Variants in ERBB2 observed in about 807,000 individuals in gnomAD.
ERBB2 encodes the protein erb-b2 receptor tyrosine kinase 2, also known as receptor tyrosine-protein kinase erbB-2.
In ERBB2, 61 loss-of-function variants were observed where a neutral mutation model predicts 149.0. That is an observed-to-expected ratio of 0.41 (90% confidence interval 0.33 to 0.51). ERBB2 has a LOEUF of 0.51. ERBB2 is among the 20% of genes least tolerant of loss of function. ERBB2 has a pLI of 0.25. For missense variants in ERBB2, 1,205 were observed against 1,655.1 expected, an observed-to-expected ratio of 0.73 and a Z score of 4.72; for synonymous variants, 633 against 678.8, an observed-to-expected ratio of 0.93 and a Z score of 1.05.
At chr17:39,715,663 G>A in intron 11 of ERBB2, 77 bp from the exon 12 acceptor site, 3 of 1,568,970 alleles carry the variant, frequency 1.9e-6, no homozygotes, top group Non-Finnish European at 2.6e-6. Context: ...AGAGTGTGCT[G>A]GGGATGGAGG....
chr17:39,716,655 AT>A, intron 14 of ERBB2, 50 bp downstream of exon 14: 1 of 1,524,776 alleles, frequency 6.6e-7, no homozygotes, highest in Non-Finnish European at 9.1e-7. Flanking sequence ...AGCGAGGGGG[AT>A]TGCCAGGGAC....
Position 39,706,997 on chromosome 17 carries a change from C to G in ERBB2, c.81C>G (p.Thr27=), listed in dbSNP as rs377542789. Residue 27 remains threonine (T), a synonymous_variant, in exon 2 of 27, where the codon ACC becomes ACG. Coordinates refer to ENST00000269571, the MANE Select transcript of ERBB2 (RefSeq NM_004448.4). ...PPGAASTQVC[T]GTDMKLRLPA... ...TCTGCTCTCTCCTGCCAGTGTGCAC[C>G]GGCACAGACATGAAGCTGCGGCTCC... 6.3e-7 allele frequency: 1 copy of G among 1,582,044 alleles called. No individual in the cohort carries two copies. Among genetic ancestry groups the G allele is most frequent in the Non-Finnish European group, 8.6e-7 (1 of 1,163,460 alleles).
chr17:39,709,263 G>T (rs2145466032), intron 3 of ERBB2, 55 bp from the exon 4 acceptor site: 2 of 1,604,886 alleles, frequency 1.2e-6, no homozygotes, highest in South Asian at 2.2e-5. Context: ...GGCCCCAAGG[G>T]AAGCAGAAGG....
At chr17:39,707,513 A>G (rs1597860635) in intron 2 of ERBB2, 2 of 190,606 alleles carry the variant, frequency 1.0e-5, no homozygotes, top group East Asian at 2.5e-4. Context: ...GCCACTGACG[A>G]GCCCTATGAA....
chr17:39,694,271 G>GTATATATATA (rs1393087883), upstream of ERBB2, among the ~76,000 whole-genome samples: 1 of 26,654 alleles, frequency 3.8e-5, no homozygotes, highest in African/African-American at 1.0e-4. Flanking sequence ...ATATATATGT[G>GTATATATATA]TGTATATATA....
chr17:39,689,914 A>G (rs1162649395), intron 2 of ERBB2, among the ~76,000 whole-genome samples: 1 of 151,780 alleles, frequency 6.6e-6, no homozygotes, highest in East Asian at 1.9e-4. Flanking sequence ...AAAAAAAAAA[A>G]AAAGAAAAAG....
Position 39,727,089 on chromosome 17 carries a change from C to T in ERBB2, c.3159+86C>T. 7.5e-7 allele frequency: 1 copy of T among 1,327,690 alleles called. No individual in the cohort carries two copies. Among genetic ancestry groups the T allele is most frequent in the Non-Finnish European group, 1.0e-6 (1 of 968,970 alleles). The allele number at this position is 1,327,690 out of a possible 1,614,324, so 82.2% of individuals were successfully genotyped here. A position where few individuals can be genotyped will look rare whatever the true frequency, so the allele number is the denominator to read the frequency against. Reference sequence around the variant, plus strand: ...AGGGTCCCTTTCTCTGATGTTCCCTCAACTGTCACCTCTCAAGGAAACCCC... The same window carrying T: ...AGGGTCCCTTTCTCTGATGTTCCCTTAACTGTCACCTCTCAAGGAAACCCC... On this transcript the variant is annotated intron_variant, in intron 25 of 26. Transcript: ENST00000269571. This position sits in a 1 kb window ranked among gnomAD's most constrained non-coding sequence, Gnocchi z 4.3.
chr17:39,728,506 G>A lies in ERBB2; in HGVS notation c.*462G>A. 4.2e-6 allele frequency: 1 copy of A among 240,326 alleles called. No homozygotes were observed. The highest frequency in any genetic ancestry group is 8.1e-6 in the Non-Finnish European group (1 of 123,268). 14.9% of individuals were successfully genotyped at this position (240,326 alleles called of 1,614,324 possible). On this transcript the variant is annotated 3_prime_UTR_variant, in exon 27 of 27. Coordinates refer to ENST00000269571, the MANE Select transcript of ERBB2 (RefSeq NM_004448.4). ...TGTCAGTATCCAGGCTTTGTACAGA[G>A]TGCTTTTCTGTTTAGTTTTTACTTT...
intron 7 of ERBB2, among the ~76,000 whole-genome samples, chr17:39,711,128 G>A (rs1310026981): frequency 6.6e-6 from 1 of 151,684 alleles, no homozygotes; most frequent in Non-Finnish European, 1.5e-5. Flanking sequence ...TCGAACTCCT[G>A]ACTTCAGGCG....
chr17:39,707,415 C>T, intron 2 of ERBB2: 2 of 346,894 alleles, frequency 5.8e-6, no homozygotes, highest in Non-Finnish European at 1.0e-5. Context: ...TGATCATGTC[C>T]CCTGTCCACC....
intron 2 of ERBB2, 112 bp downstream of exon 2, chr17:39,707,253 T>C (rs1422273399): frequency 2.1e-6 from 2 of 961,110 alleles, no homozygotes; most frequent in Non-Finnish European, 1.5e-6. Context: ...TCTCTTGTTG[T>C]GGTTTCTCAA....
chr17:39,700,326 G>C lies in ERBB2; in HGVS notation c.73+15G>C. The C allele has an allele frequency of 7.3e-7, 1 of 1,373,972 alleles. No homozygotes were observed. Among genetic ancestry groups the C allele is most frequent in the African/African-American group, 1.5e-5 (1 of 66,364 alleles). The allele number at this position is 1,373,972 out of a possible 1,614,324, so 85.1% of individuals were successfully genotyped here. ...GAGCACCCAAGGTGGGTCTGGTGTGGGGAGGGGACGGAGCAGCGGCGGGAC... is the reference window on the plus strand; with the variant it reads ...GAGCACCCAAGGTGGGTCTGGTGTGCGGAGGGGACGGAGCAGCGGCGGGAC... On this transcript the variant is annotated intron_variant, in intron 1 of 26. Coordinates refer to ENST00000269571, the MANE Select transcript of ERBB2 (RefSeq NM_004448.4).
chr17:39,712,545 A>C (rs2058871683), intron 9 of ERBB2, 97 bp downstream of exon 9: 1 of 1,428,728 alleles, frequency 7.0e-7, no homozygotes, highest in Admixed American at 2.0e-5. Context: ...AGGAGACAGA[A>C]GTGGGGGGAT....
chr17:39,701,540 G>A (rs1312452623), intron 1 of ERBB2, among the ~76,000 whole-genome samples: 1 of 152,182 alleles, frequency 6.6e-6, no homozygotes, highest in Non-Finnish European at 1.5e-5. Flanking sequence ...AGGTCAGAGG[G>A]TCTGGGGAGG....
At chr17:39,706,882 C>A in intron 1 of ERBB2, 108 bp from the exon 2 acceptor site, 3 of 1,161,554 alleles carry the variant, frequency 2.6e-6, no homozygotes, top group African/African-American at 1.6e-5. Flanking sequence ...TTCAGTCAGG[C>A]TTCTCCCTGT....
intron 1 of ERBB2, chr17:39,688,337 CT>C (rs1798160661): frequency 4.1e-6 from 1 of 242,472 alleles, no homozygotes; most frequent in African/African-American, 2.2e-5. Context: ...GTACCTGTAA[CT>C]ATCCACTTCT....
chr17:39,688,683 T>C (rs2057620689), intron 1 of ERBB2: 1 of 152,374 alleles, frequency 6.6e-6, no homozygotes, highest in African/African-American at 2.4e-5. Context: ...CTCACTCTTC[T>C]TTTTTCTTCT....
rs4252643 is a variant in ERBB2 at position 39,720,514 on chromosome 17, A to G, written c.1946+680A>G. Among the ~76,000 whole-genome samples the G allele has an allele frequency of 7.6e-3, 1,150 of 152,268 alleles. 9 individuals are homozygous for G. Among genetic ancestry groups the G allele is most frequent in the African/African-American group, 0.026 (1,079 of 41,544 alleles). ...AGACTGGAGTCTGTCTTAGGCGATC[A>G]TCGGTCCGTGAAATGAGCATGTGTT... is the stretch of plus-strand genomic sequence containing the variant. On this transcript the variant is annotated intron_variant, in intron 16 of 26. Coordinates refer to ENST00000269571, the MANE Select transcript of ERBB2 (RefSeq NM_004448.4).
intron 4 of ERBB2, 143 bp from the exon 5 acceptor site, chr17:39,709,670 G>A (rs2058678998): frequency 1.1e-6 from 1 of 945,646 alleles, no homozygotes; most frequent in Middle Eastern, 2.1e-4. Flanking sequence ...CTGGTTTGGG[G>A]GCCTCTCAGC....
Sources: allele counts gnomAD v4.1 joint callset (sites outside exome capture counted in the v4.1 genomes callset), GRCh38; gene constraint gnomAD v4.1.1; non-coding constraint Gnocchi (gnomAD v3.1); transcripts MANE v1.5; gene names NCBI Gene and HGNC (gene_info 2026-07-23, HGNC 2026-07-21).